The following NSUN2 variants were observed in gnomAD, a reference collection of about 807,000 sequenced individuals.
The protein encoded by NSUN2 is RNA cytosine C(5)-methyltransferase NSUN2.
NSUN2 carries 63 observed loss-of-function variants against 92.7 expected under a neutral mutation model. The ratio of observed to expected loss-of-function variants is 0.68; its 90% confidence interval spans 0.56 to 0.84. The LOEUF is 0.84. Ranked by LOEUF, NSUN2 falls within the 40% of genes least tolerant of loss-of-function variation. The pLI is 0.00. For synonymous variants in NSUN2, 356 were observed against 348.3 expected, an observed-to-expected ratio of 1.02 and a Z score of -0.25; for missense variants, 989 against 964.9, an observed-to-expected ratio of 1.02 and a Z score of -0.33.
chr5:6,622,061 G>C lies in NSUN2; in HGVS notation c.577C>G (p.Gln193Glu). Residue 193 changes from glutamine to glutamate, a missense_variant, in exon 6 of 19, where the codon CAG (glutamine) becomes GAG (glutamate). Gln to Glu is a conservative substitution (Grantham distance 29). Around this residue, in one of 3 missense-constraint regions of NSUN2, gnomAD observed 356 missense variants for 338.6 expected, o/e 1.05. Coordinates refer to ENST00000264670, the MANE Select transcript of NSUN2 (RefSeq NM_017755.6). ...MCAAPGSKTTQLIEMLHADMN... is the reference protein window; with the variant it reads ...MCAAPGSKTTELIEMLHADMN... ...TCGGCATGTAGCATTTCAATTAACTGTGTGGTCTTTGAGCCAGGTGCTGCA... is the reference window on the plus strand; with the variant it reads ...TCGGCATGTAGCATTTCAATTAACTCTGTGGTCTTTGAGCCAGGTGCTGCA... 1 of 1,614,124 alleles carries C rather than the reference G, an allele frequency of 6.2e-7. No homozygotes were observed. The highest frequency in any genetic ancestry group is 8.5e-7 in the Non-Finnish European group (1 of 1,179,960).
chr5:6,599,418 A>T lies in NSUN2; in HGVS notation c.*508T>A, dbSNP rs936643017. The T allele has an allele frequency of 6.5e-6, 1 of 152,928 alleles. No homozygotes were observed. Among genetic ancestry groups the T allele is most frequent in the Non-Finnish European group, 1.5e-5 (1 of 68,276 alleles). 9.5% of individuals were successfully genotyped at this position (152,928 alleles called of 1,614,324 possible). A position where few individuals can be genotyped will look rare whatever the true frequency, so the allele number is the denominator to read the frequency against. ...TTACCCTTTATTCCAAAAGGCACAA[A>T]GTCATCTGAGGCCTCAGATATTAAC... On this transcript the variant is annotated 3_prime_UTR_variant, in exon 19 of 19. Coordinates refer to ENST00000264670, the MANE Select transcript of NSUN2 (RefSeq NM_017755.6).
At chr5:6,613,033 A>G (rs3756429) in intron 9 of NSUN2, among the ~76,000 whole-genome samples, 90,288 of 152,120 alleles carry the variant, frequency 0.59, 27,339 homozygotes, top group Non-Finnish European at 0.67. Context: ...TCTGACAGAG[A>G]AAAGGGAGGA....
chr5:6,607,645 A>C (rs1423217801), intron 12 of NSUN2, among the ~76,000 whole-genome samples: 1 of 152,330 alleles, frequency 6.6e-6, no homozygotes, highest in Middle Eastern at 3.4e-3. Context: ...GTTCCTTAGC[A>C]GAGGCCTACA....
At chr5:6,612,408 C>T (rs996877322) in intron 9 of NSUN2, among the ~76,000 whole-genome samples, 8 of 152,280 alleles carry the variant, frequency 5.3e-5, no homozygotes, top group Non-Finnish European at 8.8e-5. Context: ...AATTGCCCAT[C>T]GGGACACAGT....
In NSUN2 at chr5:6,632,958, G is replaced by C; in HGVS notation, c.22C>G (p.Arg8Gly). MGRRSRGRRLQQQQRPED... is the reference protein window; with the variant it reads MGRRSRGGRLQQQQRPED... ...GGCCGCTGCTGTTGCTGGAGCCGCCGACCCCGCGACCGCCGCCCCATAGCC... is the reference window on the plus strand; with the variant it reads ...GGCCGCTGCTGTTGCTGGAGCCGCCCACCCCGCGACCGCCGCCCCATAGCC... The change falls in exon 1 of 19, where the codon CGG (arginine) becomes GGG (glycine). Residue 8 changes from arginine (R) to glycine (G), a missense_variant. Arg to Gly is a moderately radical substitution (Grantham distance 125). Coordinates refer to ENST00000264670, the MANE Select transcript of NSUN2 (RefSeq NM_017755.6). 1 of 1,492,594 alleles carries C rather than the reference G, an allele frequency of 6.7e-7. No individual in the cohort carries two copies. The allele number at this position is 1,492,594 out of a possible 1,614,324, so 92.5% of individuals were successfully genotyped here.
At chr5:6,626,109 T>C (rs1442163839) in intron 3 of NSUN2, among the ~76,000 whole-genome samples, 3 of 152,122 alleles carry the variant, frequency 2.0e-5, no homozygotes, top group African/African-American at 7.2e-5. Context: ...ACCTGATTAG[T>C]TTTTTAAAAA....
chr5:6,606,717 G>A (rs1270390742), intron 14 of NSUN2, 103 bp downstream of exon 14: 4 of 564,272 alleles, frequency 7.1e-6, no homozygotes, highest in South Asian at 3.0e-5. Context: ...AAAAAAGCTA[G>A]ACAGAACTAC....
chr5:6,622,927 A>G (rs1384499534), intron 5 of NSUN2, among the ~76,000 whole-genome samples: 1 of 151,534 alleles, frequency 6.6e-6, no homozygotes, highest in Non-Finnish European at 1.5e-5. Context: ...GTTCACTATC[A>G]TTTTCAACCT....
Position 6,602,321 on chromosome 5 carries a change from T to C in NSUN2, c.1997+140A>G, listed in dbSNP as rs916939222. On this transcript the variant is annotated intron_variant, in intron 18 of 18. Transcript: ENST00000264670. Reference sequence around the variant, plus strand: ...CAGGAATATTTTGGTTCTGAAGTTTTCACAAGGCTACTTCTGAGGAACAAT... The same window carrying C: ...CAGGAATATTTTGGTTCTGAAGTTTCCACAAGGCTACTTCTGAGGAACAAT... The C allele has an allele frequency of 1.4e-5, 11 of 805,208 alleles. No homozygotes were observed. In the Admixed American group the frequency reaches 1.5e-4, roughly 11 times the overall value. The allele number at this position is 805,208 out of a possible 1,614,324, so 49.9% of individuals were successfully genotyped here.
chr5:6,607,271 A>C lies in NSUN2; in HGVS notation c.1437T>G (p.Thr479=), dbSNP rs1736814883. The part of the protein sequence containing the change: ...SKLESPSFTG[T]GDTEIAHATE... Reference sequence around the variant, plus strand: ...TTGCATGAGCTATTTCTGTGTCACCAGTTCCTGTGAATGACGGACTTTCCA... The same window carrying C: ...TTGCATGAGCTATTTCTGTGTCACCCGTTCCTGTGAATGACGGACTTTCCA... Residue 479 remains threonine (T), a synonymous_variant, in exon 13 of 19, where the codon ACT becomes ACG. Transcript: ENST00000264670. 6.2e-7 allele frequency: 1 copy of C among 1,614,086 alleles called. No individual in the cohort carries two copies. The highest frequency in any genetic ancestry group is 1.3e-5 in the African/African-American group (1 of 74,924).
chr5:6,620,299 C>A lies in NSUN2; in HGVS notation c.623-1G>T. 1 of 1,578,010 alleles carries A rather than the reference C, an allele frequency of 6.3e-7. No homozygotes were observed. Among genetic ancestry groups the A allele is most frequent in the Non-Finnish European group, 8.6e-7 (1 of 1,162,524 alleles). On this transcript the variant is annotated splice_acceptor_variant, in intron 6 of 18. Coordinates refer to ENST00000264670, the MANE Select transcript of NSUN2 (RefSeq NM_017755.6). LOFTEE classifies it high-confidence loss of function. ...ACATCATTCGCAATAACAAATCCCT[C>A]TGAAGGCACAGAATTGCAGTGTCAG...
intron 5 of NSUN2, 51 bp downstream of exon 5, chr5:6,623,163 G>T: frequency 1.3e-6 from 2 of 1,500,142 alleles, no homozygotes; most frequent in South Asian, 1.3e-5. Flanking sequence ...AAACAGGCAT[G>T]ACACTGGTAA....
At position 6,631,374 on chromosome 5, in the gene NSUN2, G is replaced by A. The variant is rs1020304681; in HGVS notation, c.359+499C>T. ...GAAAGAGGTAGCTCCCAGAGTAGTA[G>A]CACGCTTGGGTGCTGAGACTCGGAA... On this transcript the variant is annotated intron_variant, in intron 3 of 18. Coordinates refer to ENST00000264670, the MANE Select transcript of NSUN2 (RefSeq NM_017755.6). 7.2e-5 allele frequency among the ~76,000 whole-genome samples: 11 copies of A among 152,316 alleles called. 1 individual carries two copies. The Middle Eastern group carries it at 0.01, about 141-fold the overall frequency.
In NSUN2 at chr5:6,632,914, G is replaced by C. The variant is rs1560989007; in HGVS notation, c.66C>G (p.Gly22=). 3 of 1,521,274 alleles carry C rather than the reference G, an allele frequency of 2.0e-6. No individual in the cohort carries two copies. The highest frequency in any genetic ancestry group is 2.6e-6 in the Non-Finnish European group (3 of 1,141,096). 94.2% of individuals were successfully genotyped at this position (1,521,274 alleles called of 1,614,324 possible). Residue 22 remains glycine (G), a synonymous_variant, in exon 1 of 19, where the codon GGC becomes GGG. Transcript: ENST00000264670. The part of the protein sequence containing the change: ...QQQRPEDAED[G]AEGGGKRGEA... ...CGCCGCGCTTTCCACCACCCTCGGC[G>C]CCATCCTCCGCGTCCTCCGGCCGCT... is the stretch of plus-strand genomic sequence containing the variant.
chr5:6,610,476 G>A (rs1413058930), intron 11 of NSUN2, among the ~76,000 whole-genome samples: 1 of 151,992 alleles, frequency 6.6e-6, no homozygotes, highest in Non-Finnish European at 1.5e-5. Context: ...ATAACCTGAG[G>A]TTGGGAGTTC....
At chr5:6,609,302 CACT>C (rs1736897783) in intron 12 of NSUN2, among the ~76,000 whole-genome samples, 1 of 152,202 alleles carries the variant, frequency 6.6e-6, no homozygotes, top group African/African-American at 2.4e-5. Flanking sequence ...ACTCCTTCAC[CACT>C]GTTTCCTGGC....
chr5:6,611,448 T>TAAAAAAAAAAAA lies in NSUN2; in HGVS notation c.1095+265_1095+276dup, dbSNP rs760872450. ...ACAAGGCTTGAATCCCGGCCCAATT[T>TAAAAAAAAAAAA]AAAAAAAAAAAAAAAAAGCAAAGCT... is the stretch of plus-strand genomic sequence containing the variant. On this transcript the variant is annotated intron_variant, in intron 10 of 18. Transcript: ENST00000264670. Among the ~76,000 whole-genome samples the TAAAAAAAAAAAA allele has an allele frequency of 5.0e-3, 431 of 85,868 alleles. 25 individuals are homozygous for TAAAAAAAAAAAA. The highest frequency in any genetic ancestry group is 0.016 in the African/African-American group (364 of 22,316). The allele number at this position is 85,868 out of a possible 152,430, so 56.3% of individuals were successfully genotyped here.
chr5:6,604,985 C>A (rs1233411883), intron 15 of NSUN2: 6 of 588,278 alleles, frequency 1.0e-5, no homozygotes, highest in Non-Finnish European at 1.8e-5. Flanking sequence ...CCTTTAGTAC[C>A]TTCTCTGCCC....
At chr5:6,605,545 G>A (rs1158060472) in intron 14 of NSUN2, 137 bp from the exon 15 acceptor site, 3 of 795,770 alleles carry the variant, frequency 3.8e-6, no homozygotes, top group Non-Finnish European at 6.0e-6. Context: ...CTCTGCTCTG[G>A]ACTCCAGCTT....
Sources: allele counts gnomAD v4.1 joint callset (sites outside exome capture counted in the v4.1 genomes callset), GRCh38; gene constraint gnomAD v4.1.1; regional missense constraint gnomAD v4.1.1; transcripts MANE v1.5; gene names NCBI Gene and HGNC (gene_info 2026-07-23, HGNC 2026-07-21).